Variants in KAZN observed in about 807,000 individuals in gnomAD.
The protein encoded by KAZN is kazrin, periplakin interacting protein.
In KAZN, 40 loss-of-function variants were observed where a neutral mutation model predicts 87.4. That is an observed-to-expected ratio of 0.46 (90% CI 0.36 to 0.60). The LOEUF (loss-of-function observed/expected upper bound fraction) is 0.60, where lower values mean the gene tolerates loss of function less well. Among genes scored for constraint, KAZN ranks in the 20% least tolerant of loss-of-function variants. The pLI, the probability that KAZN is intolerant of heterozygous loss-of-function variation, is 0.00. For missense variants in KAZN, 898 were observed against 1,073.9 expected (o/e 0.84, Z 2.29); for synonymous variants, 466 against 458.3 (o/e 1.02, Z -0.22).
chr1:14,991,173 C>T (rs549563996), intron 2 of KAZN, among the ~76,000 whole-genome samples: 10 of 151,792 alleles, frequency 6.6e-5, no homozygotes, highest in South Asian at 2.1e-4. Flanking sequence ...GCCAAAATGG[C>T]GAAACCCCAT....
At chr1:14,321,763 G>A (rs577454348) in intron 2 of KAZN, among the ~76,000 whole-genome samples, 11 of 152,192 alleles carry the variant, frequency 7.2e-5, no homozygotes, top group African/African-American at 2.4e-4. Flanking sequence ...CACATAGCCC[G>A]AATTCAGTGA....
chr1:13,933,212 G>T (rs1186573730), intron 1 of KAZN, among the ~76,000 whole-genome samples: 1 of 151,706 alleles, frequency 6.6e-6, no homozygotes, highest in Non-Finnish European at 1.5e-5. Flanking sequence ...ATATTCATCG[G>T]CCGGGCGCAG....
intron 1 of KAZN, among the ~76,000 whole-genome samples, chr1:13,906,288 A>G (rs879396001): frequency 1.4e-4 from 22 of 152,204 alleles, no homozygotes; most frequent in Non-Finnish European, 2.6e-4. Flanking sequence ...AATGTTTTAT[A>G]GACTTTCCCC....
At chr1:14,539,663 T>A (rs1672696404) in intron 2 of KAZN, among the ~76,000 whole-genome samples, 1 of 152,116 alleles carries the variant, frequency 6.6e-6, no homozygotes, top group Non-Finnish European at 1.5e-5. Flanking sequence ...GCTTCCTTCA[T>A]GATATTGCAG....
At chr1:14,818,178 C>A (rs1412021746) in intron 1 of KAZN, among the ~76,000 whole-genome samples, 1 of 152,224 alleles carries the variant, frequency 6.6e-6, no homozygotes, top group Non-Finnish European at 1.5e-5. Context: ...AAACTTGACC[C>A]TAGAGCTGAA....
At chr1:13,950,639 G>A (rs1368595737) in intron 1 of KAZN, among the ~76,000 whole-genome samples, 1 of 152,188 alleles carries the variant, frequency 6.6e-6, no homozygotes, top group Admixed American at 6.5e-5. Flanking sequence ...GACTGCAGGA[G>A]TTATTATAAC....
At chr1:14,738,511 A>G (rs548110260) in intron 1 of KAZN, among the ~76,000 whole-genome samples, 1 of 152,176 alleles carries the variant, frequency 6.6e-6, no homozygotes, top group East Asian at 1.9e-4. Context: ...TAATCAGCAA[A>G]TAAATCATAA....
intron 1 of KAZN, among the ~76,000 whole-genome samples, chr1:14,957,403 G>A (rs1239080160): frequency 6.6e-6 from 1 of 152,212 alleles, no homozygotes; most frequent in Non-Finnish European, 1.5e-5. Context: ...TTCGACAGAC[G>A]TTACCGAGTG....
intron 1 of KAZN, among the ~76,000 whole-genome samples, chr1:14,881,035 C>T (rs1056080543): frequency 2.0e-4 from 30 of 152,178 alleles, no homozygotes; most frequent in African/African-American, 7.2e-4. Flanking sequence ...GCCTTGTGCT[C>T]CTGAGGCCTC....
At chr1:14,295,488 A>C (rs1401113137) in intron 2 of KAZN, among the ~76,000 whole-genome samples, 2 of 152,170 alleles carry the variant, frequency 1.3e-5, no homozygotes, top group Non-Finnish European at 2.9e-5. Context: ...ACACATGCAG[A>C]AAGTGGGAGA....
At chr1:14,296,466 C>T (rs908345433) in intron 2 of KAZN, among the ~76,000 whole-genome samples, 1 of 152,114 alleles carries the variant, frequency 6.6e-6, no homozygotes, top group African/African-American at 2.4e-5. Flanking sequence ...ACTGCCCACA[C>T]TGTGACGAGC....
At chr1:13,903,293 C>T (rs1304495645) in intron 1 of KAZN, among the ~76,000 whole-genome samples, 5 of 152,340 alleles carry the variant, frequency 3.3e-5, no homozygotes, top group Middle Eastern at 3.4e-3. Flanking sequence ...ATTCAGATCA[C>T]ATCTGTTTTC....
chr1:14,466,753 A>G (rs9429232), intron 2 of KAZN, among the ~76,000 whole-genome samples: 40,124 of 151,702 alleles, frequency 0.26, 5,901 homozygotes, highest in East Asian at 0.5. Flanking sequence ...CAGATCACGA[A>G]GTCAGGAGAT....
At chr1:14,797,472 C>T (rs753021472) in intron 1 of KAZN, among the ~76,000 whole-genome samples, 21 of 152,030 alleles carry the variant, frequency 1.4e-4, no homozygotes, top group African/African-American at 4.6e-4. Context: ...GAAGAGGGAT[C>T]GATGTGAGGG....
At chr1:14,830,770 A>G (rs754361057) in intron 1 of KAZN, among the ~76,000 whole-genome samples, 5 of 152,192 alleles carry the variant, frequency 3.3e-5, no homozygotes, top group Admixed American at 6.5e-5. Flanking sequence ...AACCACCACC[A>G]TGATCTAATC....
intron 2 of KAZN, among the ~76,000 whole-genome samples, chr1:15,005,846 CA>C (rs992898452): frequency 1.6e-4 from 24 of 152,238 alleles, no homozygotes; most frequent in African/African-American, 5.5e-4. Flanking sequence ...ATCTCAGCAG[CA>C]AGGAAACCAC....
At chr1:14,309,421 G>A (rs1437556929) in intron 2 of KAZN, among the ~76,000 whole-genome samples, 7 of 152,310 alleles carry the variant, frequency 4.6e-5, no homozygotes, top group East Asian at 1.9e-4. Flanking sequence ...AGTGTCCAGC[G>A]TGAAGTGACC....
In KAZN at chr1:14,980,448, G is replaced by T. The variant is rs559188538; in HGVS notation, c.418+19573G>T. 2.6e-5 allele frequency among the ~76,000 whole-genome samples: 4 copies of T among 152,282 alleles called. No individual in the cohort carries two copies. In the East Asian group the frequency reaches 7.7e-4, roughly 29 times the overall value. Reference sequence around the variant, plus strand: ...AGGTCAGGGGATGGCATAGGCAAAAGTGTGCAGGCTGGACGTTCGTGCTAC... The same window carrying T: ...AGGTCAGGGGATGGCATAGGCAAAATTGTGCAGGCTGGACGTTCGTGCTAC... On this transcript the variant is annotated intron_variant, in intron 2 of 14. Transcript: ENST00000376030.
At chr1:14,441,262 C>T (rs989791385) in intron 2 of KAZN, among the ~76,000 whole-genome samples, 3 of 149,366 alleles carry the variant, frequency 2.0e-5, no homozygotes, top group Non-Finnish European at 4.5e-5. Context: ...TGAGAATACT[C>T]ATATATATAT....
Sources: gnomAD v4.1 joint callset for allele counts (sites outside exome capture counted in the v4.1 genomes callset) on GRCh38, gnomAD v4.1.1 for gene constraint, MANE v1.5 for transcripts, NCBI Gene and HGNC (gene_info 2026-07-23, HGNC 2026-07-21) for gene names.